Variants in TENM2 observed in about 807,000 individuals in gnomAD.
The protein encoded by TENM2 is teneurin-2.
In TENM2, 52 loss-of-function variants were observed where a neutral mutation model predicts 245.2. The ratio of observed to expected loss-of-function variants is 0.21; its 90% CI spans 0.17 to 0.27. The LOEUF is 0.27. Among genes scored for constraint, TENM2 ranks in the 10% least tolerant of loss-of-function variants. TENM2 has a pLI of 1.00. For missense variants in TENM2, 3,046 were observed against 3,666.8 expected (o/e 0.83, Z 4.37); for synonymous variants, 1,363 against 1,438.9 (o/e 0.95, Z 1.19).
rs1272248844 is a variant in TENM2 at position 167,626,893 on chromosome 5, G to A, written c.503-249093G>A. The stretch of plus-strand genomic sequence containing the variant: ...CAGTAACACCGGGGCCGCCACAGTG[G>A]TAAGCTCACTGGCCCAGAAATGCAT... On this transcript the variant is annotated intron_variant, in intron 2 of 28. Coordinates refer to ENST00000518659, the Ensembl canonical transcript of TENM2. Among the ~76,000 whole-genome samples, 4 of 152,268 alleles carry A rather than the reference G, an allele frequency of 2.6e-5. No homozygotes were observed. The East Asian group carries it at 5.8e-4, about 22-fold the overall frequency.
chr5:167,111,014 T>A, the TENM2 span, among the ~76,000 whole-genome samples: 2 of 152,204 alleles, frequency 1.3e-5, no homozygotes, highest in African/African-American at 4.8e-5. Flanking sequence ...AAAATGAGTA[T>A]CTCCTTGAAT....
At chr5:167,548,394 T>G (rs1431590290) in intron 2 of TENM2, among the ~76,000 whole-genome samples, 2 of 152,230 alleles carry the variant, frequency 1.3e-5, no homozygotes, top group Non-Finnish European at 2.9e-5. Context: ...GTGTAAACTG[T>G]CTAGCTCCCT....
intron 6 of TENM2, among the ~76,000 whole-genome samples, chr5:168,060,627 G>A (rs1030087193): frequency 6.6e-6 from 1 of 152,090 alleles, no homozygotes; most frequent in African/African-American, 2.4e-5. Flanking sequence ...CGAAACCAGT[G>A]TTTCTCTTGC....
At chr5:167,811,475 A>G (rs1227504329) in intron 2 of TENM2, among the ~76,000 whole-genome samples, 1 of 152,080 alleles carries the variant, frequency 6.6e-6, no homozygotes, top group African/African-American at 2.4e-5. Context: ...GCCTCCCCAG[A>G]AGCCAAGCAG....
intron 2 of TENM2, among the ~76,000 whole-genome samples, chr5:167,845,069 G>C (rs1769907474): frequency 6.6e-6 from 1 of 151,952 alleles, no homozygotes. Context: ...CCATCCAGAA[G>C]CCAACGTTCA....
chr5:167,556,795 C>G (rs1009366948), intron 2 of TENM2, among the ~76,000 whole-genome samples: 1 of 152,138 alleles, frequency 6.6e-6, no homozygotes, highest in Non-Finnish European at 1.5e-5. Flanking sequence ...AAGGCTCATT[C>G]ACCAATGCGG....
At chr5:167,034,604 T>A in the TENM2 span, among the ~76,000 whole-genome samples, 1 of 117,090 alleles carries the variant, frequency 8.5e-6, no homozygotes, top group Non-Finnish European at 1.6e-5. Context: ...CACTCCAGCC[T>A]GGGCGACAGA....
intron 2 of TENM2, among the ~76,000 whole-genome samples, chr5:167,452,187 T>G (rs1299524225): frequency 2.0e-5 from 3 of 152,208 alleles, no homozygotes; most frequent in African/African-American, 7.2e-5. Flanking sequence ...TTCTGGCTTC[T>G]GAGTGGGGTG....
chr5:167,781,895 G>A (rs75860054), intron 2 of TENM2, among the ~76,000 whole-genome samples: 2,275 of 152,200 alleles, frequency 0.015, 65 homozygotes, highest in African/African-American at 0.052. Context: ...GGCACACCTA[G>A]CTACTTGGGA....
At chr5:168,000,563 G>A (rs1784351757) in intron 5 of TENM2, among the ~76,000 whole-genome samples, 1 of 152,184 alleles carries the variant, frequency 6.6e-6, no homozygotes. Context: ...CATTGAAATG[G>A]TAGATGCATG....
At chr5:167,960,613 G>C (rs1780937957) in intron 4 of TENM2, among the ~76,000 whole-genome samples, 1 of 147,456 alleles carries the variant, frequency 6.8e-6, no homozygotes, top group South Asian at 2.4e-4. Context: ...TTTCAAGCCA[G>C]TGGATCTTAG....
At chr5:167,707,737 G>A (rs941287809) in intron 2 of TENM2, among the ~76,000 whole-genome samples, 27 of 152,138 alleles carry the variant, frequency 1.8e-4, no homozygotes, top group African/African-American at 5.8e-4. Context: ...ATTTCATTAG[G>A]CTGTGGTCTC....
chr5:167,978,106 C>G (rs1782576457), intron 4 of TENM2, among the ~76,000 whole-genome samples: 2 of 152,172 alleles, frequency 1.3e-5, no homozygotes, highest in Admixed American at 1.3e-4. Context: ...TCCTGAGGTC[C>G]TTACCAGAAG....
At position 168,216,942 on chromosome 5, in the gene TENM2, C is replaced by A. The variant is rs1423168649; in HGVS notation, c.4233+20C>A. 2 of 1,612,760 alleles carry A rather than the reference C, an allele frequency of 1.2e-6. No homozygotes were observed. The highest frequency in any genetic ancestry group is 1.7e-6 in the Non-Finnish European group (2 of 1,179,544). On this transcript the variant is annotated intron_variant, in intron 22 of 28. Transcript: ENST00000518659. Reference sequence around the variant, plus strand: ...GCCCAGGTGAGACTCTTTCTTATTTCTCTTCACTAAGCAACACCTGCCCCT... The same window carrying A: ...GCCCAGGTGAGACTCTTTCTTATTTATCTTCACTAAGCAACACCTGCCCCT...
At chr5:167,447,220 C>A (rs1050431345) in intron 2 of TENM2, among the ~76,000 whole-genome samples, 79 of 152,182 alleles carry the variant, frequency 5.2e-4, no homozygotes, top group African/African-American at 1.9e-3. Context: ...ATACAGATAG[C>A]AAATCCCATT....
intron 12 of TENM2, among the ~76,000 whole-genome samples, chr5:168,154,409 A>G (rs529888023): frequency 1.2e-4 from 18 of 152,084 alleles, no homozygotes; most frequent in African/African-American, 4.3e-4. Context: ...TAGAGACTAA[A>G]CAACGGGGTT....
intron 5 of TENM2, among the ~76,000 whole-genome samples, chr5:168,028,823 C>T (rs2151943683): frequency 6.8e-6 from 1 of 148,038 alleles, no homozygotes; most frequent in Non-Finnish European, 1.5e-5. Context: ...AAAAAATGGG[C>T]TTGTGACCTC....
At chr5:167,624,398 A>G (rs1778370820) in intron 2 of TENM2, among the ~76,000 whole-genome samples, 1 of 152,196 alleles carries the variant, frequency 6.6e-6, no homozygotes, top group South Asian at 2.1e-4. Context: ...GATGAGAACA[A>G]TAGACACTTA....
intron 1 of TENM2, among the ~76,000 whole-genome samples, chr5:167,304,664 T>G (rs1755559974): frequency 6.6e-6 from 1 of 152,176 alleles, no homozygotes; most frequent in Non-Finnish European, 1.5e-5. Flanking sequence ...GTTTGTTTTT[T>G]TTAAAGAATT....
Sources: allele counts gnomAD v4.1 joint callset (sites outside exome capture counted in the v4.1 genomes callset), GRCh38; gene constraint gnomAD v4.1.1; transcripts MANE v1.5; gene names NCBI Gene and HGNC (gene_info 2026-07-23, HGNC 2026-07-21).